Variants in USP34 observed in about 807,000 individuals in gnomAD.
USP34 encodes the protein ubiquitin specific peptidase 34.
Under a neutral mutation model 460.3 loss-of-function variants are expected in USP34, and 70 were observed. The observed-to-expected ratio is 0.15, with a 90% CI of 0.13 to 0.19. The LOEUF (loss-of-function observed/expected upper bound fraction) is 0.19. Ranked by LOEUF, USP34 falls within the 10% of genes least tolerant of loss-of-function variation. The pLI is 1.00. For missense variants in USP34, 3,985 were observed against 4,236.2 expected (o/e 0.94, Z 1.65); for synonymous variants, 1,647 against 1,405.3 (o/e 1.17, Z -3.85).
In USP34 at chr2:61,405,896, T is replaced by C. The variant is rs972148341; in HGVS notation, c.364A>G (p.Ile122Val). Residue 122 changes from isoleucine (I) to valine (V), a missense_variant, in exon 3 of 80, where the codon ATA (isoleucine) becomes GTA (valine). Ile to Val is a conservative substitution (Grantham distance 29). Around this residue, in one of 14 missense-constraint regions of USP34, gnomAD observed 331 missense variants for 293.7 expected, o/e 1.13. Transcript: ENST00000398571. The part of the protein sequence containing the change: ...NEGSTERQKS[I>V]EKKSNSTRIC... ...CTTGTAGAGTTTGATTTTTTTTCTATTGATTTTTGTCTTTCTGTACTTCCT... is the reference window on the plus strand; with the variant it reads ...CTTGTAGAGTTTGATTTTTTTTCTACTGATTTTTGTCTTTCTGTACTTCCT... 10 of 1,613,658 alleles carry C rather than the reference T, an allele frequency of 6.2e-6. No individual in the cohort carries two copies. Among genetic ancestry groups the C allele is most frequent in the African/African-American group, 2.7e-5 (2 of 74,848 alleles).
chr2:61,374,782 T>C (rs1391893698), intron 8 of USP34, among the ~76,000 whole-genome samples: 1 of 152,170 alleles, frequency 6.6e-6, no homozygotes, highest in East Asian at 1.9e-4. Flanking sequence ...TTGCCCAGGC[T>C]AGTCTTGAAC....
intron 61 of USP34, among the ~76,000 whole-genome samples, chr2:61,227,805 T>A (rs959269140): frequency 2.0e-5 from 3 of 152,148 alleles, no homozygotes; most frequent in Non-Finnish European, 2.9e-5. Context: ...AACTTTTTTC[T>A]TATAAGCAAG....
chr2:61,355,846 A>G (rs1305263091), intron 10 of USP34, among the ~76,000 whole-genome samples: 1 of 152,218 alleles, frequency 6.6e-6, no homozygotes, highest in Non-Finnish European at 1.5e-5. Flanking sequence ...ACTTGATCCA[A>G]TTGTCTATAA....
chr2:61,386,353 T>C lies in USP34; in HGVS notation c.754-3017A>G, dbSNP rs144316839. Among the ~76,000 whole-genome samples the C allele has an allele frequency of 7.4e-3, 1,125 of 152,280 alleles. 14 individuals are homozygous for C. The highest frequency in any genetic ancestry group is 0.071 in the Middle Eastern group (21 of 294). On this transcript the variant is annotated intron_variant, in intron 5 of 79. Transcript: ENST00000398571. ...GTGACAGTGTTAGGAACACTGGATATCTGTATGAAAAAGAAAATGAATCTT... is the reference window on the plus strand; with the variant it reads ...GTGACAGTGTTAGGAACACTGGATACCTGTATGAAAAAGAAAATGAATCTT...
chr2:61,296,914 A>C lies in USP34; in HGVS notation c.4140T>G (p.Cys1380Trp), dbSNP rs779123877. Residue 1380 changes from cysteine (C) to tryptophan (W), a missense_variant, in exon 30 of 80, where the codon TGT (cysteine) becomes TGG (tryptophan). Physicochemically the swap from Cys to Trp is radical, Grantham distance 215. Around this residue, in one of 14 missense-constraint regions of USP34, gnomAD observed 1,114 missense variants for 1,122.5 expected, o/e 0.99. Transcript: ENST00000398571. ...TTTCTGCATGAAGATGAAGTTCTTC[A>C]CATCGTAAGCTCTACACAAATAAGA... ...VAVDDSESLR[C>W]EELHLHAENL... The C allele has an allele frequency of 6.2e-7, 1 of 1,613,484 alleles. No homozygotes were observed. The highest frequency in any genetic ancestry group is 8.5e-7 in the Non-Finnish European group (1 of 1,179,708).
At chr2:61,417,834 C>A (rs763689759) in intron 2 of USP34, among the ~76,000 whole-genome samples, 1 of 148,656 alleles carries the variant, frequency 6.7e-6, no homozygotes, top group Non-Finnish European at 1.5e-5. Flanking sequence ...CTCTGCCTCC[C>A]GGGTTCAAAT....
chr2:61,413,140 A>T (rs1694092216), intron 2 of USP34, among the ~76,000 whole-genome samples: 4 of 152,162 alleles, frequency 2.6e-5, no homozygotes, highest in Admixed American at 2.6e-4. Flanking sequence ...TCATGCCTGT[A>T]ATCCCAGCAC....
chr2:61,279,735 A>AT (rs1347281701), intron 39 of USP34, among the ~76,000 whole-genome samples: 4 of 152,204 alleles, frequency 2.6e-5, no homozygotes, highest in African/African-American at 9.7e-5. Flanking sequence ...AAGTGCTGGG[A>AT]TTACAGGCGT....
intron 1 of USP34, among the ~76,000 whole-genome samples, chr2:61,421,686 AG>A (rs1694361581): frequency 6.6e-6 from 1 of 152,168 alleles, no homozygotes; most frequent in African/African-American, 2.4e-5. Context: ...TAACGTGAGG[AG>A]GGGAAATCCC....
At position 61,204,569 on chromosome 2, in the gene USP34, G is replaced by A; in HGVS notation, c.9187C>T (p.His3063Tyr). Reference protein sequence around the residue: ...VLKELVLLSPHDFLHTLVPFL... With the variant: ...VLKELVLLSPYDFLHTLVPFL... The stretch of plus-strand genomic sequence containing the variant: ...GGAACCAGAGTATGAAGAAAATCAT[G>A]GGGACTCAAAAGTACAAGTTCCTTG... The change falls in exon 73 of 80, where the codon CAT (histidine) becomes TAT (tyrosine). Residue 3063 changes from histidine to tyrosine, a missense_variant. His to Tyr is a moderately conservative substitution (Grantham distance 83, BLOSUM62 2). Coordinates refer to ENST00000398571, the MANE Select transcript of USP34 (RefSeq NM_014709.4). 4 of 1,613,942 alleles carry A rather than the reference G, an allele frequency of 2.5e-6. No individual in the cohort carries two copies. Among genetic ancestry groups the A allele is most frequent in the Non-Finnish European group, 3.4e-6 (4 of 1,179,964 alleles).
intron 32 of USP34, among the ~76,000 whole-genome samples, chr2:61,294,203 G>A (rs972102446): frequency 9.9e-5 from 15 of 151,834 alleles, no homozygotes; most frequent in Admixed American, 6.6e-4. Context: ...AAAATTAGCC[G>A]GGTGTGGTGG....
chr2:61,190,174 G>GT, intron 78 of USP34, 97 bp downstream of exon 78: 1 of 1,476,160 alleles, frequency 6.8e-7, no homozygotes, highest in South Asian at 1.4e-5. Context: ...GTTTGAATCA[G>GT]TAAGTTAAAG....
chr2:61,421,142 C>G (rs80133637), intron 1 of USP34, among the ~76,000 whole-genome samples: 2,311 of 152,264 alleles, frequency 0.015, 50 homozygotes, highest in African/African-American at 0.051. Flanking sequence ...TCATTTCCAG[C>G]TGTCTTCCTG....
At chr2:61,397,002 A>G (rs944563075) in intron 3 of USP34, among the ~76,000 whole-genome samples, 8 of 152,172 alleles carry the variant, frequency 5.3e-5, no homozygotes, top group Non-Finnish European at 1.0e-4. Flanking sequence ...CACCTGTTAC[A>G]TTTCTGAAAG....
intron 20 of USP34, among the ~76,000 whole-genome samples, chr2:61,327,298 G>A (rs932025881): frequency 6.6e-6 from 1 of 152,172 alleles, no homozygotes; most frequent in African/African-American, 2.4e-5. Flanking sequence ...CCTCATTAAT[G>A]CTGCACTCAC....
chr2:61,385,283 G>C (rs1161690789), intron 5 of USP34, among the ~76,000 whole-genome samples: 1 of 152,080 alleles, frequency 6.6e-6, no homozygotes. Flanking sequence ...TAGTTCTCCC[G>C]AAATTCATCT....
chr2:61,395,005 G>A lies in USP34; in HGVS notation c.604-3C>T, dbSNP rs138503961. On this transcript the variant is annotated splice_polypyrimidine_tract_variant and splice_region_variant and intron_variant, in intron 4 of 79. Transcript: ENST00000398571. ...AAATGCAATGGTACTTCTACATCCT[G>A]GGAAAATAAAGAAAACATGTCATTA... 247 of 1,573,460 alleles carry A rather than the reference G, an allele frequency of 1.6e-4. 1 individual carries two copies. The East Asian group carries it at 4.3e-3, about 28-fold the overall frequency.
In USP34 at chr2:61,205,904, C is replaced by T; in HGVS notation, c.9154+113G>A. ...AGGACCTGCTAGCTAGTGTGAGTTA[C>T]ACATAAAAAGCACAAGTATCTTTCA... On this transcript the variant is annotated intron_variant, in intron 72 of 79. Coordinates refer to ENST00000398571, the MANE Select transcript of USP34 (RefSeq NM_014709.4). The T allele has an allele frequency of 5.4e-6, 4 of 745,102 alleles. No homozygotes were observed. The South Asian group carries it at 5.9e-5, about 11-fold the overall frequency. 46.2% of individuals were successfully genotyped at this position (745,102 alleles called of 1,614,324 possible). A position where few individuals can be genotyped will look rare whatever the true frequency, so the allele number is the denominator to read the frequency against.
intron 1 of USP34, among the ~76,000 whole-genome samples, chr2:61,450,634 G>C (rs1324787267): frequency 1.3e-4 from 20 of 151,912 alleles, no homozygotes; most frequent in Admixed American, 1.2e-3. Context: ...TAAAATAAAT[G>C]ATAAAGATGT....
Sources: allele counts gnomAD v4.1 joint callset (sites outside exome capture counted in the v4.1 genomes callset), GRCh38; gene constraint gnomAD v4.1.1; regional missense constraint gnomAD v4.1.1; transcripts MANE v1.5; gene names NCBI Gene and HGNC (gene_info 2026-07-23, HGNC 2026-07-21).